The following RIMS2 variants were observed in gnomAD, a reference collection of about 807,000 sequenced individuals.
RIMS2 encodes regulating synaptic membrane exocytosis 2.
RIMS2 carries 59 observed loss-of-function variants against 174.4 expected under a neutral mutation model. The observed-to-expected ratio is 0.34, with a 90% CI of 0.27 to 0.42. The LOEUF is 0.42. Ranked by LOEUF, RIMS2 falls within the 10% of genes least tolerant of loss-of-function variation. The pLI, the probability that RIMS2 is intolerant of heterozygous loss-of-function variation, is 1.00. For missense variants in RIMS2, 1,620 were observed against 1,666.3 expected (o/e 0.97, Z 0.48); for synonymous variants, 606 against 572.5 (o/e 1.06, Z -0.84).
intron 17 of RIMS2, among the ~76,000 whole-genome samples, chr8:103,999,991 A>T (rs2095313120): frequency 6.6e-6 from 1 of 151,794 alleles, no homozygotes; most frequent in African/African-American, 2.4e-5. Flanking sequence ...GTTATCAAAT[A>T]TCTAATGTAG....
chr8:103,596,301 T>C (rs186112520), intron 1 of RIMS2, among the ~76,000 whole-genome samples: 1 of 152,244 alleles, frequency 6.6e-6, no homozygotes, highest in Admixed American at 6.6e-5. Context: ...TGCCAATTAA[T>C]TTAGGTGATC....
exon 13 of RIMS2, chr8:103,936,660 C>T: frequency 6.2e-7 from 1 of 1,611,542 alleles, no homozygotes; most frequent in Non-Finnish European, 8.5e-7. Context: ...GGAACGAATG[C>T]TAGAGATTAC....
intron 19 of RIMS2, among the ~76,000 whole-genome samples, chr8:104,071,154 G>A (rs1272015194): frequency 6.6e-6 from 1 of 152,150 alleles, no homozygotes; most frequent in Non-Finnish European, 1.5e-5. Context: ...AATACTATAG[G>A]CATAGCTGGG....
chr8:103,551,723 C>T (rs1325996237), intron 1 of RIMS2, among the ~76,000 whole-genome samples: 1 of 152,136 alleles, frequency 6.6e-6, no homozygotes, highest in East Asian at 1.9e-4. Flanking sequence ...CCCCAAATCT[C>T]CTTAAGCTGA....
chr8:104,206,045 T>A (rs1189026175), intron 19 of RIMS2, among the ~76,000 whole-genome samples: 2 of 152,172 alleles, frequency 1.3e-5, no homozygotes, highest in African/African-American at 4.8e-5. Context: ...TGTGAAGCAC[T>A]GTGCCCAGCC....
At chr8:103,676,812 GTC>G (rs996485581) in intron 1 of RIMS2, among the ~76,000 whole-genome samples, 18 of 151,970 alleles carry the variant, frequency 1.2e-4, no homozygotes, top group Non-Finnish European at 2.4e-4. Context: ...GTGAAACACT[GTC>G]TCTACTAAAA....
At chr8:103,788,639 C>T (rs2098466669) in intron 3 of RIMS2, among the ~76,000 whole-genome samples, 2 of 152,002 alleles carry the variant, frequency 1.3e-5, no homozygotes, top group Admixed American at 1.3e-4. Flanking sequence ...CTCAGATCTC[C>T]AGCTGCGTGC....
chr8:103,566,236 C>G (rs1426288), intron 1 of RIMS2, among the ~76,000 whole-genome samples: 9,941 of 152,202 alleles, frequency 0.065, 402 homozygotes, highest in South Asian at 0.087. Context: ...GGCTCCTCCC[C>G]CTTCCCCATT....
chr8:103,711,951 T>C (rs186674572), intron 2 of RIMS2, among the ~76,000 whole-genome samples: 92 of 152,078 alleles, frequency 6.0e-4, no homozygotes, highest in Admixed American at 1.6e-3. Flanking sequence ...ATACCCAATA[T>C]ATCTGAAAAT....
At chr8:104,182,088 T>G (rs2098943441) in intron 19 of RIMS2, among the ~76,000 whole-genome samples, 1 of 151,744 alleles carries the variant, frequency 6.6e-6, no homozygotes, top group Non-Finnish European at 1.5e-5. Context: ...AGTTATAATA[T>G]TTGCCCTAGG....
intron 18 of RIMS2, among the ~76,000 whole-genome samples, chr8:104,014,082 T>C (rs1022192816): frequency 6.6e-6 from 1 of 152,218 alleles, no homozygotes; most frequent in Non-Finnish European, 1.5e-5. Context: ...TTTCATGCAA[T>C]GTTTTCTAAT....
intron 5 of RIMS2, chr8:103,910,469 C>T (rs2075448742): frequency 1.3e-6 from 2 of 1,596,530 alleles, no homozygotes; most frequent in African/African-American, 1.3e-5. Context: ...AGATTAAGGA[C>T]TCTGGGGTAG....
intron 1 of RIMS2, among the ~76,000 whole-genome samples, chr8:103,511,321 G>C (rs1008527581): frequency 6.6e-6 from 1 of 152,152 alleles, no homozygotes; most frequent in Non-Finnish European, 1.5e-5. Context: ...ACATAGTGAA[G>C]AGTCATTGAA....
intron 1 of RIMS2, among the ~76,000 whole-genome samples, chr8:103,663,204 G>C (rs760099046): frequency 6.6e-6 from 1 of 151,842 alleles, no homozygotes; most frequent in Non-Finnish European, 1.5e-5. Context: ...TGGAGGAAAA[G>C]ACTCTCTTAA....
intron 2 of RIMS2, among the ~76,000 whole-genome samples, chr8:103,748,286 A>T (rs1478835829): frequency 1.3e-5 from 2 of 150,296 alleles, no homozygotes; most frequent in African/African-American, 2.4e-5. Context: ...TACAAAAAAT[A>T]AAAAAAAAAT....
At chr8:103,596,043 C>G (rs1235680445) in intron 1 of RIMS2, among the ~76,000 whole-genome samples, 2 of 152,054 alleles carry the variant, frequency 1.3e-5, no homozygotes, top group African/African-American at 4.8e-5. Context: ...TTAGATCTTT[C>G]TAACCTAATC....
intron 2 of RIMS2, among the ~76,000 whole-genome samples, chr8:103,722,349 A>T (rs1247656592): frequency 1.3e-5 from 2 of 152,154 alleles, no homozygotes; most frequent in African/African-American, 4.8e-5. Flanking sequence ...ACATTGTAAT[A>T]TATAATGAAA....
intron 19 of RIMS2, among the ~76,000 whole-genome samples, chr8:104,188,526 G>A (rs1274746667): frequency 2.0e-5 from 3 of 151,630 alleles, no homozygotes; most frequent in Non-Finnish European, 3.0e-5. Context: ...TCCTGTGGGT[G>A]AAACACTCAA....
intron 2 of RIMS2, among the ~76,000 whole-genome samples, chr8:103,759,196 C>T (rs906725049): frequency 6.6e-6 from 1 of 152,122 alleles, no homozygotes; most frequent in Non-Finnish European, 1.5e-5. Flanking sequence ...GGAAGGGAAT[C>T]ACCCTTCGGG....
Sources: gnomAD v4.1 joint callset for allele counts (sites outside exome capture counted in the v4.1 genomes callset) on GRCh38, gnomAD v4.1.1 for gene constraint, MANE v1.5 for transcripts, NCBI Gene and HGNC (gene_info 2026-07-23, HGNC 2026-07-21) for gene names.